Variants in NPSR1 observed in about 807,000 individuals in gnomAD.
NPSR1 encodes the protein neuropeptide S receptor 1.
NPSR1 carries 48 observed loss-of-function variants against 46.9 expected under a neutral mutation model. The observed-to-expected ratio is 1.02, with a 90% CI of 0.81 to 1.30. NPSR1 has a LOEUF of 1.30. NPSR1 is among the 50% of genes most tolerant of loss of function. The pLI is 0.00. For synonymous variants in NPSR1, 176 were observed against 168.1 expected (o/e 1.05, Z -0.36); for missense variants, 450 against 449.5 (o/e 1.00, Z -0.01).
chr7:34,791,681 T>A (rs978792284), intron 3 of NPSR1, among the ~76,000 whole-genome samples: 17 of 151,960 alleles, frequency 1.1e-4, no homozygotes, highest in African/African-American at 4.1e-4. Flanking sequence ...AACAGCATGT[T>A]TTACAGAAAT....
At chr7:34,826,298 A>G (rs35801186) in intron 4 of NPSR1, among the ~76,000 whole-genome samples, 81 of 152,320 alleles carry the variant, frequency 5.3e-4, no homozygotes, top group African/African-American at 1.9e-3. Context: ...ATTCAGGAAG[A>G]ACAGAACCCT....
intron 2 of NPSR1, among the ~76,000 whole-genome samples, chr7:34,777,045 G>A (rs1339120966): frequency 6.6e-6 from 1 of 152,164 alleles, no homozygotes; most frequent in Non-Finnish European, 1.5e-5. Context: ...GGGGTTAGGG[G>A]AGGGGTAGTG....
intron 2 of NPSR1, among the ~76,000 whole-genome samples, chr7:34,767,605 G>A (rs1318513541): frequency 6.6e-6 from 1 of 151,980 alleles, no homozygotes; most frequent in Non-Finnish European, 1.5e-5. Context: ...TGGATGAGGA[G>A]AACAAAGTAT....
At chr7:34,845,930 G>A (rs963418671) in intron 7 of NPSR1, among the ~76,000 whole-genome samples, 2 of 152,122 alleles carry the variant, frequency 1.3e-5, no homozygotes, top group East Asian at 3.9e-4. Context: ...AAGCTCCAAG[G>A]AAGTATAGAT....
At chr7:34,778,920 G>A (rs955146684) in intron 3 of NPSR1, among the ~76,000 whole-genome samples, 3 of 151,990 alleles carry the variant, frequency 2.0e-5, no homozygotes, top group Non-Finnish European at 4.4e-5. Flanking sequence ...TGAACTCAAC[G>A]CTGGCTACTG....
rs113682584 is a variant in NPSR1 at position 34,812,700 on chromosome 7, A to G, written c.478+837A>G. 2.7e-3 allele frequency among the ~76,000 whole-genome samples: 407 copies of G among 152,304 alleles called. 5 individuals are homozygous for G. The highest frequency in any genetic ancestry group is 9.0e-3 in the African/African-American group (375 of 41,560). ...CCACAATCAGAGACCACTCTCCTCC[A>G]TACACCCTGAAAGCAAATACAAAGC... On this transcript the variant is annotated intron_variant, in intron 4 of 8. Coordinates refer to ENST00000360581, the MANE Select transcript of NPSR1 (RefSeq NM_207172.2).
At chr7:34,837,920 C>T (rs1790429028) in intron 6 of NPSR1, among the ~76,000 whole-genome samples, 1 of 152,124 alleles carries the variant, frequency 6.6e-6, no homozygotes, top group South Asian at 2.1e-4. Context: ...AGTGTGGAGA[C>T]CAATTTTGTG....
At chr7:34,857,605 G>T (rs939054733) in intron 8 of NPSR1, among the ~76,000 whole-genome samples, 3 of 151,704 alleles carry the variant, frequency 2.0e-5, no homozygotes, top group African/African-American at 2.4e-5. Flanking sequence ...GTTCCAGGTG[G>T]ATTATAGACC....
chr7:34,743,972 T>C (rs1405327409), intron 2 of NPSR1, among the ~76,000 whole-genome samples: 1 of 152,176 alleles, frequency 6.6e-6, no homozygotes, highest in African/African-American at 2.4e-5. Context: ...TTGAGAAGTA[T>C]TAGTTTGTAT....
At chr7:34,677,709 C>T (rs1792390518) in intron 1 of NPSR1, among the ~76,000 whole-genome samples, 1 of 152,154 alleles carries the variant, frequency 6.6e-6, no homozygotes, top group African/African-American at 2.4e-5. Flanking sequence ...CTGGGGAGGT[C>T]AGTAGAGAAG....
chr7:34,791,145 A>ATGTT (rs1562731106), intron 3 of NPSR1, among the ~76,000 whole-genome samples: 1 of 73,924 alleles, frequency 1.4e-5, no homozygotes, highest in Non-Finnish European at 2.6e-5. Flanking sequence ...TATTATATAT[A>ATGTT]ATATGTTATA....
chr7:34,676,167 C>T (rs991379410), intron 1 of NPSR1, among the ~76,000 whole-genome samples: 3 of 152,094 alleles, frequency 2.0e-5, no homozygotes, highest in African/African-American at 4.8e-5. Flanking sequence ...CATATGTAGT[C>T]CACAAACCTA....
chr7:34,849,307 TTCA>T (rs1250842462), intron 8 of NPSR1: 9 of 1,513,664 alleles, frequency 5.9e-6, no homozygotes, highest in African/African-American at 1.4e-5. Flanking sequence ...CCTCAGCTTC[TTCA>T]TCTGTAAAAC....
chr7:34,820,331 T>G (rs1036473991), intron 4 of NPSR1, among the ~76,000 whole-genome samples: 10 of 152,198 alleles, frequency 6.6e-5, no homozygotes, highest in African/African-American at 2.4e-4. Flanking sequence ...ATAGAAAATA[T>G]ACTTGTTTCC....
chr7:34,751,720 T>G (rs1446687223), intron 2 of NPSR1: 2 of 1,583,982 alleles, frequency 1.3e-6, no homozygotes, highest in African/African-American at 2.7e-5. Flanking sequence ...GGGAGACTCC[T>G]TCGGGTCCCC....
chr7:34,804,794 A>G (rs1788608328), intron 3 of NPSR1, among the ~76,000 whole-genome samples: 1 of 152,052 alleles, frequency 6.6e-6, no homozygotes, highest in African/African-American at 2.4e-5. Flanking sequence ...GACAAGAAAA[A>G]TAAAAACAAA....
At chr7:34,702,943 C>T (rs1793908799) in intron 2 of NPSR1, among the ~76,000 whole-genome samples, 1 of 152,168 alleles carries the variant, frequency 6.6e-6, no homozygotes, top group African/African-American at 2.4e-5. Flanking sequence ...CAAAAAGGTC[C>T]CTGTAAACAA....
chr7:34,804,812 G>C (rs1183946358), intron 3 of NPSR1, among the ~76,000 whole-genome samples: 1 of 151,708 alleles, frequency 6.6e-6, no homozygotes, highest in African/African-American at 2.4e-5. Context: ...AAACAAAAAA[G>C]AAACTTCCAG....
At chr7:34,791,037 T>TATTATATATGTTATATGTTA (rs1787803525) in intron 3 of NPSR1, among the ~76,000 whole-genome samples, 1 of 118,894 alleles carries the variant, frequency 8.4e-6, no homozygotes, top group Non-Finnish European at 1.6e-5. Context: ...ATGTTATATA[T>TATTATATATGTTATATGTTA]TATATTATAT....
Sources: gnomAD v4.1 joint callset for allele counts (sites outside exome capture counted in the v4.1 genomes callset) on GRCh38, gnomAD v4.1.1 for gene constraint, MANE v1.5 for transcripts, NCBI Gene and HGNC (gene_info 2026-07-23, HGNC 2026-07-21) for gene names.